PDZD2: variants seen among roughly 807,000 people sequenced by gnomAD.
PDZD2 encodes the protein PDZ domain containing 2.
Under a neutral mutation model 220.7 loss-of-function variants are expected in PDZD2, and 90 were observed. The ratio of observed to expected loss-of-function variants is 0.41; its 90% confidence interval spans 0.34 to 0.49. The LOEUF (loss-of-function observed/expected upper bound fraction) is 0.49. PDZD2 is among the 20% of genes least tolerant of loss of function. The pLI is 0.28. For synonymous variants in PDZD2, 1,375 were observed against 1,450.5 expected, an observed-to-expected ratio of 0.95 and a Z score of 1.18; for missense variants, 3,174 against 3,608.5, an observed-to-expected ratio of 0.88 and a Z score of 3.08.
chr5:31,661,513 A>G (rs1745761799), intron 1 of PDZD2: 2 of 152,212 alleles, frequency 1.3e-5, no homozygotes, highest in Non-Finnish European at 2.9e-5. Flanking sequence ...GTAGAGACTC[A>G]ACTTGCAGAT....
intron 6 of PDZD2, among the ~76,000 whole-genome samples, chr5:32,032,188 C>T (rs1218901049): frequency 6.6e-6 from 1 of 152,152 alleles, no homozygotes; most frequent in Non-Finnish European, 1.5e-5. Flanking sequence ...AGCTTAGTTC[C>T]GTGTCCAGTT....
At chr5:31,747,179 TA>T (rs937580817) in intron 1 of PDZD2, among the ~76,000 whole-genome samples, 73 of 152,178 alleles carry the variant, frequency 4.8e-4, no homozygotes, top group African/African-American at 1.7e-3. Flanking sequence ...CATCTCAAAA[TA>T]AATAATTTTT....
intron 2 of PDZD2, among the ~76,000 whole-genome samples, chr5:31,903,059 C>CG (rs776025269): frequency 1.2e-4 from 18 of 151,664 alleles, no homozygotes; most frequent in Admixed American, 5.2e-4. Flanking sequence ...TTTTGGGAGG[C>CG]GGAGGTGGGT....
rs1224322457 is a variant in PDZD2, at chr5:32,098,329, C to T, written c.7948-35C>T. On this transcript the variant is annotated intron_variant, in intron 22 of 24. Coordinates refer to ENST00000438447, the MANE Select transcript of PDZD2 (RefSeq NM_178140.4). This position sits in a 1 kb window ranked among gnomAD's most constrained non-coding sequence, Gnocchi z 4.1. ...CTTTTACCGGAAATCGTAAGTGGATCTGGTTTTTGTTCCCTTTTCCTTTCC... is the reference window on the plus strand; with the variant it reads ...CTTTTACCGGAAATCGTAAGTGGATTTGGTTTTTGTTCCCTTTTCCTTTCC... The T allele has an allele frequency of 1.2e-6, 2 of 1,601,312 alleles. No homozygotes were observed. The highest frequency in any genetic ancestry group is 1.7e-6 in the Non-Finnish European group (2 of 1,172,642).
chr5:31,730,554 TTG>T (rs35119904), intron 1 of PDZD2, among the ~76,000 whole-genome samples: 2,126 of 140,390 alleles, frequency 0.015, 30 homozygotes, highest in African/African-American at 0.037. Context: ...CACCAGGAGT[TTG>T]TGTGTGTGTG....
At chr5:32,059,110 T>G in intron 12 of PDZD2, 129 bp from the exon 13 acceptor site, 1 of 590,568 alleles carries the variant, frequency 1.7e-6, no homozygotes, top group Non-Finnish European at 3.0e-6. Flanking sequence ...ATTTACATTC[T>G]GAGTCTGGAC....
At chr5:31,757,579 G>A (rs930541287) in intron 1 of PDZD2, among the ~76,000 whole-genome samples, 41 of 151,074 alleles carry the variant, frequency 2.7e-4, no homozygotes, top group Non-Finnish European at 5.3e-4. Context: ...GAGACAGAGC[G>A]AGACTCTGCC....
intron 21 of PDZD2, among the ~76,000 whole-genome samples, chr5:32,095,623 A>G (rs1743595685): frequency 6.6e-6 from 1 of 151,000 alleles, no homozygotes; most frequent in Admixed American, 6.6e-5. Context: ...GTCAGCTTCT[A>G]GCATATCTGT....
At chr5:31,919,582 G>T (rs1329170114) in intron 2 of PDZD2, among the ~76,000 whole-genome samples, 1 of 151,864 alleles carries the variant, frequency 6.6e-6, no homozygotes, top group African/African-American at 2.4e-5. Flanking sequence ...CCTGACCTCA[G>T]GTGATCTGCC....
At chr5:31,734,609 A>T (rs1749737977) in intron 1 of PDZD2, among the ~76,000 whole-genome samples, 1 of 152,018 alleles carries the variant, frequency 6.6e-6, no homozygotes, top group Non-Finnish European at 1.5e-5. Context: ...ATGAACCACC[A>T]TGCCTAGCCC....
At chr5:31,933,914 G>A (rs941444204) in intron 2 of PDZD2, among the ~76,000 whole-genome samples, 2 of 152,130 alleles carry the variant, frequency 1.3e-5, no homozygotes, top group Non-Finnish European at 2.9e-5. Context: ...CAGAAACTTG[G>A]GTCGGTTAGG....
chr5:31,723,083 T>C (rs575402602), intron 1 of PDZD2, among the ~76,000 whole-genome samples: 1 of 152,330 alleles, frequency 6.6e-6, no homozygotes, highest in South Asian at 2.1e-4. Context: ...TAGCAGAACA[T>C]GAACATTAAC....
At chr5:31,707,329 AT>A (rs1747878553) in intron 1 of PDZD2, among the ~76,000 whole-genome samples, 1 of 151,754 alleles carries the variant, frequency 6.6e-6, no homozygotes, top group African/African-American at 2.4e-5. Flanking sequence ...TAATTAATTA[AT>A]TAAATAAAAA....
intron 2 of PDZD2, among the ~76,000 whole-genome samples, chr5:31,954,993 G>T (rs1747532883): frequency 6.6e-6 from 1 of 152,112 alleles, no homozygotes; most frequent in Non-Finnish European, 1.5e-5. Flanking sequence ...GTGCCAAATT[G>T]AGTGTAATCA....
chr5:31,832,247 A>C (rs775472644), intron 2 of PDZD2, among the ~76,000 whole-genome samples: 94 of 152,314 alleles, frequency 6.2e-4, no homozygotes, highest in Admixed American at 2.0e-3. Flanking sequence ...ATGAAATGGA[A>C]GTTACCAGAG....
At chr5:31,804,185 C>T (rs16899796) in intron 2 of PDZD2, among the ~76,000 whole-genome samples, 13,461 of 152,060 alleles carry the variant, frequency 0.089, 645 homozygotes, top group Non-Finnish European at 0.1. Context: ...TTGAAGCAGC[C>T]GTGTGTGTGC....
intron 2 of PDZD2, among the ~76,000 whole-genome samples, chr5:31,886,473 C>T (rs1318228683): frequency 2.6e-5 from 4 of 152,042 alleles, no homozygotes; most frequent in South Asian, 2.1e-4. Context: ...AGGTTCTGCC[C>T]GCTGGAGAAA....
chr5:31,654,198 G>A (rs1050247009), intron 1 of PDZD2, among the ~76,000 whole-genome samples: 1 of 152,130 alleles, frequency 6.6e-6, no homozygotes, highest in Non-Finnish European at 1.5e-5. Context: ...CCATGCCAAG[G>A]ATCAATTCTG....
At chr5:31,661,971 A>G (rs1022991091) in intron 1 of PDZD2, among the ~76,000 whole-genome samples, 3 of 152,014 alleles carry the variant, frequency 2.0e-5, no homozygotes, top group Admixed American at 2.0e-4. Flanking sequence ...TGGCCTCTTG[A>G]GGTCCTAGTT....
Sources: gnomAD v4.1 joint callset for allele counts (sites outside exome capture counted in the v4.1 genomes callset) on GRCh38, gnomAD v4.1.1 for gene constraint, Gnocchi (gnomAD v3.1) non-coding constraint, MANE v1.5 for transcripts, NCBI Gene and HGNC (gene_info 2026-07-23, HGNC 2026-07-21) for gene names.